Variants in WDR27 observed in about 807,000 individuals in gnomAD.
The protein encoded by WDR27 is WD repeat domain 27.
A neutral mutation model predicts 114.4 loss-of-function variants in WDR27; 100 were observed. That is an observed-to-expected ratio of 0.87 (90% CI 0.74 to 1.03). The LOEUF (loss-of-function observed/expected upper bound fraction) is 1.03, where lower values mean the gene tolerates loss of function less well. WDR27 is among the 50% of genes least tolerant of loss of function. The probability of loss-of-function intolerance (pLI) is 0.00; values close to 1 mark genes in which losing one functional copy is unlikely to be tolerated. For missense variants in WDR27, 1,129 were observed against 1,092.9 expected (o/e 1.03, Z -0.47); for synonymous variants, 449 against 423.1 (o/e 1.06, Z -0.75).
At chr6:169,562,717 A>G (rs1799843214) in intron 25 of WDR27, among the ~76,000 whole-genome samples, 1 of 152,212 alleles carries the variant, frequency 6.6e-6, no homozygotes, top group African/African-American at 2.4e-5. Context: ...TGGGAGCTGG[A>G]CGGAAGGTTA....
At chr6:169,531,081 C>A (rs888247207) in intron 25 of WDR27, among the ~76,000 whole-genome samples, 2 of 152,138 alleles carry the variant, frequency 1.3e-5, no homozygotes, top group Non-Finnish European at 2.9e-5. Flanking sequence ...AGAATCTTGG[C>A]CAGCCCTGTT....
Position 169,554,773 on chromosome 6 carries a change from G to C in WDR27, c.2645+17646C>G, listed in dbSNP as rs572540458. ...CCACGAGTGCATTAGTAACCTCCTA[G>C]GTTACATTACAGCCTACTTTTATGC... On this transcript the variant is annotated intron_variant, in intron 25 of 25. Transcript: ENST00000448612. Among the ~76,000 whole-genome samples the C allele has an allele frequency of 2.6e-5, 4 of 152,180 alleles. No homozygotes were observed. The South Asian group carries it at 8.3e-4, about 32-fold the overall frequency.
At chr6:169,564,942 C>T (rs1800226090) in intron 25 of WDR27, among the ~76,000 whole-genome samples, 2 of 152,310 alleles carry the variant, frequency 1.3e-5, no homozygotes, top group Non-Finnish European at 2.9e-5. Context: ...CAGAACGGGT[C>T]GGGAGTTAAG....
intron 25 of WDR27, among the ~76,000 whole-genome samples, chr6:169,551,740 A>G (rs1416777044): frequency 6.7e-5 from 5 of 74,708 alleles, no homozygotes; most frequent in Non-Finnish European, 1.1e-4. Flanking sequence ...TCCATCTCAA[A>G]AAAAAAAAAA....
intron 25 of WDR27, among the ~76,000 whole-genome samples, chr6:169,569,813 T>G (rs1801079513): frequency 6.6e-6 from 1 of 152,230 alleles, no homozygotes; most frequent in South Asian, 2.1e-4. Context: ...TCTCTACATT[T>G]AATTCTAGCC....
chr6:169,531,890 G>A (rs907665176), intron 25 of WDR27, among the ~76,000 whole-genome samples: 3 of 152,090 alleles, frequency 2.0e-5, no homozygotes, highest in African/African-American at 7.2e-5. Flanking sequence ...CTCGTGATCC[G>A]CCTGTCTCGG....
chr6:169,588,933 C>T (rs369322405), intron 23 of WDR27, among the ~76,000 whole-genome samples: 4 of 152,302 alleles, frequency 2.6e-5, no homozygotes, highest in East Asian at 1.9e-4. Flanking sequence ...AGGACAGCCA[C>T]GGAGCCTCAG....
intron 23 of WDR27, among the ~76,000 whole-genome samples, 171 bp downstream of exon 23, chr6:169,602,048 T>C (rs1011623951): frequency 1.3e-5 from 2 of 152,348 alleles, no homozygotes; most frequent in Admixed American, 6.5e-5. Flanking sequence ...TAAAAACATC[T>C]TTCATACCTC....
intron 16 of WDR27, among the ~76,000 whole-genome samples, chr6:169,644,980 G>T: frequency 1.9e-5 from 1 of 52,546 alleles, no homozygotes; most frequent in Admixed American, 3.0e-4. Context: ...CTGCACTCCA[G>T]CCTGAGTGAC....
chr6:169,549,250 C>T (rs1797809321), intron 25 of WDR27, among the ~76,000 whole-genome samples: 1 of 152,150 alleles, frequency 6.6e-6, no homozygotes, highest in Non-Finnish European at 1.5e-5. Context: ...GAGGGACATA[C>T]CGATGGCAAA....
chr6:169,659,399 A>C lies in WDR27; in HGVS notation c.1197+52T>G, dbSNP rs1825296974. 1 of 1,594,282 alleles carries C rather than the reference A, an allele frequency of 6.3e-7. No individual in the cohort carries two copies. ...GTTACAGGATCACTCTGAAGAAAGA[A>C]GAAATCAGAGGCACGTCTCATAGAC... On this transcript the variant is annotated intron_variant, in intron 11 of 25. Coordinates refer to ENST00000448612, the MANE Select transcript of WDR27 (RefSeq NM_182552.5). This position sits in a 1 kb window ranked among gnomAD's most constrained non-coding sequence, Gnocchi z 4.3.
intron 23 of WDR27, among the ~76,000 whole-genome samples, chr6:169,583,294 T>C (rs1315106363): frequency 1.9e-5 from 1 of 51,352 alleles, no homozygotes; most frequent in East Asian, 5.8e-4. Context: ...AAGTTCCAAA[T>C]TGAATGGAAA....
At chr6:169,428,409 G>A in the WDR27 span, among the ~76,000 whole-genome samples, 2 of 152,136 alleles carry the variant, frequency 1.3e-5, no homozygotes, top group Non-Finnish European at 2.9e-5. Flanking sequence ...TCTTAACACA[G>A]TTCTAAATTT....
At chr6:169,426,973 T>TGC in the WDR27 span, 7 of 35,112 alleles carry the variant, frequency 2.0e-4, no homozygotes, top group African/African-American at 5.6e-4. Context: ...GTGGGGGCAG[T>TGC]GGGGGGGGGG....
chr6:169,433,073 T>C, the WDR27 span, among the ~76,000 whole-genome samples: 1 of 152,192 alleles, frequency 6.6e-6, no homozygotes, highest in Non-Finnish European at 1.5e-5. Context: ...GCTATGTTTT[T>C]TGTTTTTTTG....
chr6:169,665,159 G>A lies in WDR27; in HGVS notation c.783+327C>T, dbSNP rs111699069. ...CCTCTCCGGGGCGCGGGCAGCACCCGTGGGAGCGGGGGACGTCTGCTCACA... is the reference window on the plus strand; with the variant it reads ...CCTCTCCGGGGCGCGGGCAGCACCCATGGGAGCGGGGGACGTCTGCTCACA... On this transcript the variant is annotated intron_variant, in intron 7 of 25. Coordinates refer to ENST00000448612, the MANE Select transcript of WDR27 (RefSeq NM_182552.5). 0.018 allele frequency: 17,367 copies of A among 971,904 alleles called. 1,882 individuals are homozygous for A. The African/African-American group carries it at 0.21, about 12-fold the overall frequency. The allele number at this position is 971,904 out of a possible 1,614,324, so 60.2% of individuals were successfully genotyped here. A position where few individuals can be genotyped will look rare whatever the true frequency, so the allele number is the denominator to read the frequency against.
intron 23 of WDR27, among the ~76,000 whole-genome samples, chr6:169,596,815 T>C (rs1806886567): frequency 6.6e-6 from 1 of 152,166 alleles, no homozygotes; most frequent in Non-Finnish European, 1.5e-5. Flanking sequence ...AAAAGTGTAA[T>C]CATATTTACA....
intron 2 of WDR27, among the ~76,000 whole-genome samples, chr6:169,679,710 G>A (rs1017584103): frequency 6.6e-6 from 1 of 152,190 alleles, no homozygotes; most frequent in Admixed American, 6.5e-5. Context: ...TAAAAGCAAA[G>A]CAGACGTTGG....
intron 25 of WDR27, among the ~76,000 whole-genome samples, chr6:169,491,081 C>T (rs1015567592): frequency 6.6e-6 from 1 of 152,120 alleles, no homozygotes; most frequent in South Asian, 2.1e-4. Flanking sequence ...CAATCATTTT[C>T]TTAAAAGGAG....
Sources: gnomAD v4.1 joint callset for allele counts (sites outside exome capture counted in the v4.1 genomes callset) on GRCh38, gnomAD v4.1.1 for gene constraint, Gnocchi (gnomAD v3.1) non-coding constraint, MANE v1.5 for transcripts, NCBI Gene and HGNC (gene_info 2026-07-23, HGNC 2026-07-21) for gene names.